Variants in PTPN4 observed in about 807,000 individuals in gnomAD.
PTPN4 encodes the protein tyrosine-protein phosphatase non-receptor type 4.
A neutral mutation model predicts 135.5 loss-of-function variants in PTPN4; 49 were observed. That is an observed-to-expected ratio of 0.36 (90% CI 0.29 to 0.46). The LOEUF (loss-of-function observed/expected upper bound fraction) is 0.46, where lower values mean the gene tolerates loss of function less well. Ranked by LOEUF, PTPN4 falls within the 20% of genes least tolerant of loss-of-function variation. PTPN4 has a pLI of 1.00. For missense variants in PTPN4, 860 were observed against 1,101.0 expected, an observed-to-expected ratio of 0.78 and a Z score of 3.10; for synonymous variants, 333 against 369.9, an observed-to-expected ratio of 0.90 and a Z score of 1.14.
At chr2:119,898,131 GAC>G (rs1399571528) in intron 9 of PTPN4, among the ~76,000 whole-genome samples, 2 of 152,302 alleles carry the variant, frequency 1.3e-5, no homozygotes, top group African/African-American at 4.8e-5. Context: ...TAGTTTGAAA[GAC>G]ACGGTTACAC....
intron 24 of PTPN4, among the ~76,000 whole-genome samples, chr2:119,963,431 C>T (rs1679400470): frequency 6.6e-6 from 1 of 152,204 alleles, no homozygotes; most frequent in African/African-American, 2.4e-5. Flanking sequence ...CCCCTGCCAC[C>T]ATCTTTGGTT....
At chr2:119,830,497 G>A (rs1239433813) in intron 2 of PTPN4, among the ~76,000 whole-genome samples, 6 of 151,972 alleles carry the variant, frequency 3.9e-5, no homozygotes, top group Non-Finnish European at 7.4e-5. Context: ...TTTTTGAGAC[G>A]AGTCTCTGTC....
At chr2:119,940,360 T>C (rs1460415560) in intron 15 of PTPN4, among the ~76,000 whole-genome samples, 1 of 152,120 alleles carries the variant, frequency 6.6e-6, no homozygotes, top group Non-Finnish European at 1.5e-5. Context: ...ATAAGTAGAG[T>C]ATAAGTTGGG....
At chr2:119,761,692 A>G (rs1159549975) in intron 1 of PTPN4, among the ~76,000 whole-genome samples, 2 of 152,222 alleles carry the variant, frequency 1.3e-5, no homozygotes, top group Admixed American at 6.5e-5. Flanking sequence ...GCACGGTCCC[A>G]TAGTATCATA....
chr2:119,772,853 A>T (rs1690759637), intron 1 of PTPN4, among the ~76,000 whole-genome samples: 2 of 152,150 alleles, frequency 1.3e-5, no homozygotes, highest in East Asian at 3.9e-4. Context: ...AAGAAATTTT[A>T]AATAGCAATA....
At chr2:119,956,813 T>C in intron 20 of PTPN4, 31 bp from the exon 21 acceptor site, 1 of 1,579,554 alleles carries the variant, frequency 6.3e-7, no homozygotes, top group South Asian at 1.2e-5. Context: ...ATGGCTTTTG[T>C]TGGAATTGTA....
intron 1 of PTPN4, among the ~76,000 whole-genome samples, chr2:119,803,135 C>CT (rs928084058): frequency 8.5e-5 from 13 of 152,068 alleles, no homozygotes; most frequent in African/African-American, 2.9e-4. Context: ...AAAGAACTAG[C>CT]TTTTTTCCCC....
At chr2:119,806,669 G>A (rs961562459) in intron 1 of PTPN4, among the ~76,000 whole-genome samples, 8 of 152,088 alleles carry the variant, frequency 5.3e-5, no homozygotes, top group East Asian at 1.9e-4. Context: ...ACAGATCAGC[G>A]AGGCAGAAGG....
At chr2:119,775,065 G>T (rs1203663344) in intron 1 of PTPN4, among the ~76,000 whole-genome samples, 1 of 128,358 alleles carries the variant, frequency 7.8e-6, no homozygotes, top group African/African-American at 3.0e-5. Context: ...TGCCTAACAG[G>T]TTTTTAATGC....
chr2:119,797,116 C>A (rs902777493), intron 1 of PTPN4, among the ~76,000 whole-genome samples: 2 of 152,010 alleles, frequency 1.3e-5, no homozygotes, highest in African/African-American at 4.8e-5. Flanking sequence ...GTCCTATGTG[C>A]TTTTGCAAAT....
chr2:119,797,936 C>T (rs1303249843), intron 1 of PTPN4, among the ~76,000 whole-genome samples: 2 of 151,974 alleles, frequency 1.3e-5, no homozygotes, highest in East Asian at 1.9e-4. Flanking sequence ...TTATGTTCAA[C>T]TCTTCACTTA....
chr2:119,903,240 G>A (rs947971764), intron 10 of PTPN4, among the ~76,000 whole-genome samples: 2 of 152,074 alleles, frequency 1.3e-5, no homozygotes, highest in East Asian at 3.9e-4. Context: ...CACATCCTCC[G>A]GCAGCAAGAC....
intron 1 of PTPN4, among the ~76,000 whole-genome samples, chr2:119,781,633 T>G (rs1314138517): frequency 6.6e-6 from 1 of 152,230 alleles, no homozygotes; most frequent in Non-Finnish European, 1.5e-5. Flanking sequence ...CTTTTCAGTA[T>G]GGCCTGTGAA....
intron 16 of PTPN4, among the ~76,000 whole-genome samples, chr2:119,945,520 T>A (rs1023925554): frequency 2.6e-5 from 4 of 152,104 alleles, no homozygotes; most frequent in Non-Finnish European, 5.9e-5. Context: ...GTCAGATTTT[T>A]TCCTTCAAAG....
Position 119,977,086 on chromosome 2 carries a change from T to A in PTPN4, c.*16T>A. On this transcript the variant is annotated 3_prime_UTR_variant, in exon 27 of 27. Transcript: ENST00000263708. ...AAATAAATAAGAAAGCAAAAAGATC[T>A]GGGATATGTGTTGGAAAACTGCTTT... is the stretch of plus-strand genomic sequence containing the variant. 1 of 1,584,544 alleles carries A rather than the reference T, an allele frequency of 6.3e-7. No individual in the cohort carries two copies. Among genetic ancestry groups the A allele is most frequent in the Non-Finnish European group, 8.5e-7 (1 of 1,170,794 alleles).
At chr2:119,765,452 C>T (rs1456781955) in intron 1 of PTPN4, among the ~76,000 whole-genome samples, 3 of 152,102 alleles carry the variant, frequency 2.0e-5, no homozygotes, top group African/African-American at 7.2e-5. Context: ...TACAGAAGTA[C>T]CTACAGTGGT....
chr2:119,947,810 A>G (rs1679158221), intron 18 of PTPN4, among the ~76,000 whole-genome samples: 1 of 150,718 alleles, frequency 6.6e-6, no homozygotes, highest in Admixed American at 6.6e-5. Context: ...GTGACTCCTA[A>G]GTCTCCACTA....
intron 1 of PTPN4, among the ~76,000 whole-genome samples, chr2:119,794,182 A>G (rs1574337185): frequency 6.6e-6 from 1 of 152,138 alleles, no homozygotes; most frequent in East Asian, 1.9e-4. Flanking sequence ...GAGGTAAAGT[A>G]GCATATAATA....
At position 119,778,353 on chromosome 2, in the gene PTPN4, C is replaced by T. The variant is rs751874264; in HGVS notation, c.-18+17969C>T. On this transcript the variant is annotated intron_variant, in intron 1 of 26. Coordinates refer to ENST00000263708, the MANE Select transcript of PTPN4 (RefSeq NM_002830.4). ...TTGACTCACTAAATTAATTAATATA[C>T]GTCTGTTTTAGTAAATAATTTCACT... 8.9e-4 allele frequency among the ~76,000 whole-genome samples: 136 copies of T among 152,144 alleles called. 4 individuals are homozygous for T. Among genetic ancestry groups the T allele is most frequent in the Non-Finnish European group, 2.5e-4 (17 of 68,022 alleles).
Sources: gnomAD v4.1 joint callset for allele counts (sites outside exome capture counted in the v4.1 genomes callset) on GRCh38, gnomAD v4.1.1 for gene constraint, MANE v1.5 for transcripts, NCBI Gene and HGNC (gene_info 2026-07-23, HGNC 2026-07-21) for gene names.